The following RBFOX1 variants were observed in gnomAD, a reference collection of about 807,000 sequenced individuals.
RBFOX1 encodes RNA binding protein fox-1 homolog 1.
In RBFOX1, 8 loss-of-function variants were observed where a neutral mutation model predicts 57.7. The ratio of observed to expected loss-of-function variants is 0.14; its 90% CI spans 0.08 to 0.25. RBFOX1 has a LOEUF of 0.25. Ranked by LOEUF, RBFOX1 falls within the 10% of genes least tolerant of loss-of-function variation. RBFOX1 has a pLI of 1.00. For missense variants in RBFOX1, 611 were observed against 548.5 expected (o/e 1.11, Z -1.14); for synonymous variants, 326 against 222.4 (o/e 1.47, Z -4.15).
intron 4 of RBFOX1, among the ~76,000 whole-genome samples, chr16:5,934,615 C>T (rs1473516481): frequency 6.6e-6 from 1 of 152,112 alleles, no homozygotes; most frequent in African/African-American, 2.4e-5. Context: ...GTTCCCAACA[C>T]AAAGAAATGA....
At chr16:5,561,971 G>T (rs1011403698) in intron 2 of RBFOX1, among the ~76,000 whole-genome samples, 1 of 152,122 alleles carries the variant, frequency 6.6e-6, no homozygotes, top group African/African-American at 2.4e-5. Context: ...TCATTCATTG[G>T]TTAATTTATT....
At chr16:5,720,811 C>A (rs74249200) in intron 3 of RBFOX1, among the ~76,000 whole-genome samples, 1 of 152,108 alleles carries the variant, frequency 6.6e-6, no homozygotes, top group Non-Finnish European at 1.5e-5. Flanking sequence ...TAGGCTAGTA[C>A]CATACTATCT....
intron 2 of RBFOX1, among the ~76,000 whole-genome samples, chr16:5,579,861 G>A (rs2151154672): frequency 6.6e-6 from 1 of 151,886 alleles, no homozygotes; most frequent in East Asian, 1.9e-4. Flanking sequence ...CCGGGTTCAA[G>A]CTATTCTCCT....
intron 1 of RBFOX1, among the ~76,000 whole-genome samples, chr16:6,183,639 G>A (rs1352677717): frequency 2.0e-5 from 3 of 152,102 alleles, no homozygotes; most frequent in Non-Finnish European, 4.4e-5. Flanking sequence ...TGGAGGTGGT[G>A]AGGAAAAGAT....
At chr16:5,920,424 G>A (rs561756343) in intron 4 of RBFOX1, among the ~76,000 whole-genome samples, 1 of 152,284 alleles carries the variant, frequency 6.6e-6, no homozygotes, top group Non-Finnish European at 1.5e-5. Context: ...GTGTACAAGG[G>A]TCTGTTTGGG....
At chr16:6,714,031 G>C (rs563787399) in intron 3 of RBFOX1, among the ~76,000 whole-genome samples, 31 of 152,340 alleles carry the variant, frequency 2.0e-4, no homozygotes, top group African/African-American at 7.5e-4. Flanking sequence ...CATGTGTGGA[G>C]GAAGAGAAGT....
intron 2 of RBFOX1, among the ~76,000 whole-genome samples, chr16:6,511,447 C>G (rs1385973494): frequency 6.6e-6 from 1 of 152,164 alleles, no homozygotes; most frequent in East Asian, 1.9e-4. Flanking sequence ...TTCCTAGGCC[C>G]TGGACTGACA....
At chr16:5,773,857 C>T (rs1442172135) in intron 3 of RBFOX1, among the ~76,000 whole-genome samples, 5 of 152,148 alleles carry the variant, frequency 3.3e-5, no homozygotes, top group African/African-American at 1.2e-4. Flanking sequence ...ACTACCATGC[C>T]TGGCTAATTT....
intron 4 of RBFOX1, among the ~76,000 whole-genome samples, chr16:7,244,670 T>C (rs1204119147): frequency 1.3e-5 from 2 of 152,214 alleles, no homozygotes; most frequent in Non-Finnish European, 2.9e-5. Context: ...ATGTATGGTA[T>C]GCAACTTGTG....
At chr16:6,994,406 C>T (rs1379971719) in intron 3 of RBFOX1, among the ~76,000 whole-genome samples, 2 of 152,126 alleles carry the variant, frequency 1.3e-5, no homozygotes, top group African/African-American at 2.4e-5. Context: ...AGTGCATGGG[C>T]AATGCTTCAG....
chr16:7,150,359 T>A (rs1042376112), intron 4 of RBFOX1, among the ~76,000 whole-genome samples: 5 of 152,196 alleles, frequency 3.3e-5, no homozygotes, highest in African/African-American at 1.2e-4. Context: ...CCACCCTACG[T>A]TAATGCCCTA....
chr16:5,359,992 A>T (rs74666849), intron 1 of RBFOX1, among the ~76,000 whole-genome samples: 7,228 of 152,286 alleles, frequency 0.047, 245 homozygotes, highest in South Asian at 0.087. Context: ...ACAATCCAAA[A>T]CATAAATTTA....
chr16:7,430,659 CA>C (rs35088351), intron 4 of RBFOX1, among the ~76,000 whole-genome samples: 50 of 138,770 alleles, frequency 3.6e-4, no homozygotes, highest in Admixed American at 5.0e-4. Context: ...GACTCCATCT[CA>C]AAAAAAAAAA....
chr16:7,240,636 C>T (rs547503415), intron 4 of RBFOX1, among the ~76,000 whole-genome samples: 6 of 152,136 alleles, frequency 3.9e-5, no homozygotes, highest in African/African-American at 9.6e-5. Flanking sequence ...CTCACTGCAG[C>T]CTTGACCTTC....
At chr16:5,954,277 C>G (rs555871004) in intron 4 of RBFOX1, among the ~76,000 whole-genome samples, 2 of 152,310 alleles carry the variant, frequency 1.3e-5, no homozygotes, top group Admixed American at 6.5e-5. Flanking sequence ...ACCCACCCAC[C>G]TCTGGAGAGA....
chr16:7,302,532 C>A (rs1178926855), intron 4 of RBFOX1, among the ~76,000 whole-genome samples: 1 of 151,944 alleles, frequency 6.6e-6, no homozygotes, highest in East Asian at 1.9e-4. Context: ...AGGTACGGTT[C>A]CGTCCTGCAG....
intron 3 of RBFOX1, among the ~76,000 whole-genome samples, chr16:6,825,969 T>G (rs916437233): frequency 6.6e-6 from 1 of 152,154 alleles, no homozygotes; most frequent in Admixed American, 6.5e-5. Flanking sequence ...GATACGAGTT[T>G]CCATGTCTGC....
Position 6,075,241 on chromosome 16 carries a change from G to A in RBFOX1, c.-127+55249G>A, listed in dbSNP as rs184633992. 3.3e-3 allele frequency among the ~76,000 whole-genome samples: 496 copies of A among 152,294 alleles called. 4 individuals are homozygous for A. The highest frequency in any genetic ancestry group is 0.017 in the Middle Eastern group (5 of 294). ...ATGAGTACTTTGCAATGCCATTACC[G>A]ATGCATAAACTTTGATGAGCTTTGA... On this transcript the variant is annotated intron_variant, in intron 1 of 15. Transcript: ENST00000550418.
intron 3 of RBFOX1, among the ~76,000 whole-genome samples, chr16:5,701,552 C>T (rs183119614): frequency 6.6e-6 from 1 of 152,240 alleles, no homozygotes; most frequent in African/African-American, 2.4e-5. Flanking sequence ...AAGCCATTCT[C>T]TCCAGTGGCT....
Sources: allele counts gnomAD v4.1 joint callset (sites outside exome capture counted in the v4.1 genomes callset), GRCh38; gene constraint gnomAD v4.1.1; transcripts MANE v1.5; gene names NCBI Gene and HGNC (gene_info 2026-07-23, HGNC 2026-07-21).